The following GTF2B variants were observed in gnomAD, a reference collection of about 807,000 sequenced individuals.
GTF2B encodes the protein general transcription factor IIB.
GTF2B carries 20 observed loss-of-function variants against 34.6 expected under a neutral mutation model. That is an observed-to-expected ratio of 0.58 (90% CI 0.41 to 0.84). GTF2B has a LOEUF of 0.84. GTF2B is among the 40% of genes least tolerant of loss of function. The pLI is 0.00. For missense variants in GTF2B, 237 were observed against 393.3 expected, an observed-to-expected ratio of 0.60 and a Z score of 3.36; for synonymous variants, 142 against 132.4, an observed-to-expected ratio of 1.07 and a Z score of -0.50.
In GTF2B at chr1:88,867,548, T is replaced by TA. The variant is rs111904247; in HGVS notation, c.125-3435dup. On this transcript the variant is annotated intron_variant, in intron 2 of 6. Coordinates refer to ENST00000370500, the MANE Select transcript of GTF2B (RefSeq NM_001514.6). ...AACCCAGAGTTACTAAATTTTAAGC[T>TA]AAAAAAAATCAACAAATGTCATCAA... 7.3e-3 allele frequency among the ~76,000 whole-genome samples: 1,102 copies of TA among 152,000 alleles called. 10 individuals carry two copies. Among genetic ancestry groups the TA allele is most frequent in the African/African-American group, 0.025 (1,042 of 41,430 alleles).
At chr1:88,884,405 C>T (rs141559935) in intron 2 of GTF2B, among the ~76,000 whole-genome samples, 1 of 152,292 alleles carries the variant, frequency 6.6e-6, no homozygotes, top group African/African-American at 2.4e-5. Context: ...AAAAATATAC[C>T]TGAGCTAATT....
chr1:88,882,310 CAAAAAAAAAAAA>C (rs59699371), intron 2 of GTF2B, among the ~76,000 whole-genome samples: 3 of 36,020 alleles, frequency 8.3e-5, no homozygotes, highest in Non-Finnish European at 1.7e-4. Flanking sequence ...ACTCTCACTC[CAAAAAAAAAAAA>C]AAAAAAAAAA....
intron 2 of GTF2B, among the ~76,000 whole-genome samples, chr1:88,885,762 G>A (rs549945243): frequency 2.6e-5 from 4 of 152,076 alleles, no homozygotes; most frequent in South Asian, 4.1e-4. Context: ...AAAAACAAAC[G>A]AAGAAAAACT....
At chr1:88,866,124 G>A (rs531966007) in intron 2 of GTF2B, among the ~76,000 whole-genome samples, 2 of 152,164 alleles carry the variant, frequency 1.3e-5, no homozygotes, top group Non-Finnish European at 2.9e-5. Flanking sequence ...CACTTTGGGA[G>A]GCTTAAGCAG....
chr1:88,861,047 C>T (rs1296311652), intron 3 of GTF2B, among the ~76,000 whole-genome samples: 1 of 152,196 alleles, frequency 6.6e-6, no homozygotes, highest in Admixed American at 6.5e-5. Flanking sequence ...CACTAAAAAA[C>T]AGCTGCTATA....
chr1:88,887,681 T>C (rs1427615375), intron 1 of GTF2B: 4 of 290,094 alleles, frequency 1.4e-5, no homozygotes, highest in African/African-American at 9.1e-5. Flanking sequence ...AGTATAGTAA[T>C]GACTAGTTAC....
intron 1 of GTF2B, among the ~76,000 whole-genome samples, chr1:88,890,392 C>A (rs1281153508): frequency 6.6e-6 from 1 of 152,192 alleles, no homozygotes; most frequent in Non-Finnish European, 1.5e-5. Flanking sequence ...CTTTTCTAAT[C>A]ATAAAATGTA....
At chr1:88,854,434 C>A (rs1673256980) in intron 6 of GTF2B, among the ~76,000 whole-genome samples, 1 of 152,152 alleles carries the variant, frequency 6.6e-6, no homozygotes, top group Non-Finnish European at 1.5e-5. Context: ...AAAAGAAATA[C>A]TAAAGGACTG....
chr1:88,873,402 T>C (rs916965313), intron 2 of GTF2B, among the ~76,000 whole-genome samples: 8 of 152,104 alleles, frequency 5.3e-5, no homozygotes, highest in Admixed American at 5.2e-4. Flanking sequence ...GGTTTCAACA[T>C]GTTGGTCAGG....
chr1:88,861,860 G>A (rs992130428), intron 3 of GTF2B, among the ~76,000 whole-genome samples: 6 of 152,044 alleles, frequency 3.9e-5, no homozygotes, highest in African/African-American at 1.2e-4. Context: ...AACCCCACAG[G>A]AAACAGAATC....
At chr1:88,862,991 G>A (rs959473671) in intron 3 of GTF2B, among the ~76,000 whole-genome samples, 5 of 149,714 alleles carry the variant, frequency 3.3e-5, no homozygotes, top group Admixed American at 1.3e-4. Context: ...CTATGCAATA[G>A]TATACATGAA....
In GTF2B at chr1:88,857,285, A is replaced by G. The variant is rs2100961838; in HGVS notation, c.738T>C (p.Pro246=). ...ARKAVELDLV[P]GRSPISVAAA... Reference sequence around the variant, plus strand: ...CTGCCACAGAGATGGGGCTCCTCCCAGGAACCAAGTCCAGTTCCACAGCTT... The same window carrying G: ...CTGCCACAGAGATGGGGCTCCTCCCGGGAACCAAGTCCAGTTCCACAGCTT... The change falls in exon 6 of 7, where the codon CCT becomes CCC. Residue 246 remains proline, a synonymous_variant. Coordinates refer to ENST00000370500, the MANE Select transcript of GTF2B (RefSeq NM_001514.6). 4 of 1,613,954 alleles carry G rather than the reference A, an allele frequency of 2.5e-6. No individual in the cohort carries two copies. Among genetic ancestry groups the G allele is most frequent in the Non-Finnish European group, 3.4e-6 (4 of 1,179,830 alleles).
At chr1:88,856,268 A>AAAAC (rs1673302720) in intron 6 of GTF2B, among the ~76,000 whole-genome samples, 4 of 106,792 alleles carry the variant, frequency 3.7e-5, no homozygotes, top group African/African-American at 1.5e-4. Flanking sequence ...GACTGTTTCA[A>AAAAC]AAACAAAAAA....
At chr1:88,858,111 T>G (rs1222081165) in intron 5 of GTF2B, among the ~76,000 whole-genome samples, 1 of 151,960 alleles carries the variant, frequency 6.6e-6, no homozygotes, top group Non-Finnish European at 1.5e-5. Flanking sequence ...GTTCAAGCGA[T>G]TCTCCTGCCA....
intron 2 of GTF2B, among the ~76,000 whole-genome samples, chr1:88,869,940 T>TC (rs1557656796): frequency 6.7e-6 from 1 of 148,618 alleles, no homozygotes; most frequent in Admixed American, 6.7e-5. Flanking sequence ...CTTTTTTTTT[T>TC]TTCTTGAGAT....
At chr1:88,891,150 G>A (rs1399224577) in intron 1 of GTF2B, among the ~76,000 whole-genome samples, 2 of 139,168 alleles carry the variant, frequency 1.4e-5, no homozygotes, top group African/African-American at 5.4e-5. Context: ...AGGAGAGGAG[G>A]GAGGGTGGGA....
Position 88,891,545 on chromosome 1 carries a change from C to A in GTF2B, c.-46G>T. 1.3e-6 allele frequency: 2 copies of A among 1,571,580 alleles called. No homozygotes were observed. Among genetic ancestry groups the A allele is most frequent in the Admixed American group, 1.8e-5 (1 of 56,476 alleles). On this transcript the variant is annotated 5_prime_UTR_variant, in exon 1 of 7. Transcript: ENST00000370500. ...CCGCAACAAGACACAACAGACACAC[C>A]GAAAGCAGGAAGCGAATGTGGCGAA...
chr1:88,876,925 A>G (rs944108291), intron 2 of GTF2B, among the ~76,000 whole-genome samples: 3 of 152,220 alleles, frequency 2.0e-5, no homozygotes, highest in Admixed American at 6.5e-5. Flanking sequence ...CTATACTAGG[A>G]GCAATGGAGA....
Position 88,857,691 on chromosome 1 carries a change from C to CTTTTTTTT in GTF2B, c.536-212_536-205dup, listed in dbSNP as rs368010048. Among the ~76,000 whole-genome samples, 8 of 108,152 alleles carry CTTTTTTTT rather than the reference C, an allele frequency of 7.4e-5. 1 individual carries two copies. The highest frequency in any genetic ancestry group is 1.2e-4 in the Non-Finnish European group (7 of 56,894). 71.0% of individuals were successfully genotyped at this position (108,152 alleles called of 152,430 possible). ...CAGTTAACTTTAATGTTCATCACAC[C>CTTTTTTTT]TTTTTTTTTGAGATGAAGTCTCACT... On this transcript the variant is annotated intron_variant, in intron 5 of 6. Transcript: ENST00000370500.
Sources: allele counts gnomAD v4.1 joint callset (sites outside exome capture counted in the v4.1 genomes callset), GRCh38; gene constraint gnomAD v4.1.1; transcripts MANE v1.5; gene names NCBI Gene and HGNC (gene_info 2026-07-23, HGNC 2026-07-21).